Variants in CDC73 observed in about 807,000 individuals in gnomAD.
CDC73 encodes parafibromin.
A neutral mutation model predicts 83.7 loss-of-function variants in CDC73; 21 were observed. That is an observed-to-expected ratio of 0.25 (90% CI 0.18 to 0.36). The LOEUF (loss-of-function observed/expected upper bound fraction) is 0.36. CDC73 is among the 10% of genes least tolerant of loss of function. The pLI is 1.00. For synonymous variants in CDC73, 224 were observed against 212.9 expected, an observed-to-expected ratio of 1.05 and a Z score of -0.45; for missense variants, 342 against 653.3, an observed-to-expected ratio of 0.52 and a Z score of 5.19.
At chr1:193,221,038 G>A (rs1677460727) in intron 13 of CDC73, among the ~76,000 whole-genome samples, 1 of 152,104 alleles carries the variant, frequency 6.6e-6, no homozygotes, top group African/African-American at 2.4e-5. Context: ...TCTGTCTGTA[G>A]TCTTTCCAAC....
chr1:193,211,176 C>T (rs1677271910), intron 11 of CDC73, among the ~76,000 whole-genome samples: 1 of 152,182 alleles, frequency 6.6e-6, no homozygotes, highest in South Asian at 2.1e-4. Flanking sequence ...CAGCGGATAC[C>T]TGAAACCAGG....
chr1:193,250,848 C>G lies in CDC73; in HGVS notation c.*136C>G, dbSNP rs1412166616. 2 of 790,090 alleles carry G rather than the reference C, an allele frequency of 2.5e-6. No homozygotes were observed. The highest frequency in any genetic ancestry group is 1.7e-5 in the African/African-American group (1 of 58,006). The allele number at this position is 790,090 out of a possible 1,614,324, so 48.9% of individuals were successfully genotyped here. On this transcript the variant is annotated 3_prime_UTR_variant, in exon 17 of 17. Coordinates refer to ENST00000367435, the MANE Select transcript of CDC73 (RefSeq NM_024529.5). ...GCTTTGTGCTTCAAGGAGATGATAC[C>G]TGTCATCCATATAAGCAAACTTTTT...
intron 11 of CDC73, among the ~76,000 whole-genome samples, chr1:193,204,253 ATGTGTGTGTGTG>A (rs370382322): frequency 2.4e-4 from 30 of 123,800 alleles, no homozygotes; most frequent in African/African-American, 8.2e-4. Context: ...ATATATGTGT[ATGTGTGTGTGTG>A]TGTGTGTGTG....
At chr1:193,216,736 A>T (rs963200141) in intron 13 of CDC73, among the ~76,000 whole-genome samples, 11 of 152,156 alleles carry the variant, frequency 7.2e-5, no homozygotes, top group African/African-American at 2.4e-4. Flanking sequence ...ACATCAAAAA[A>T]CTAAAACACC....
rs1678097068 is a variant in CDC73 at position 193,254,337 on chromosome 1, A to G, written c.*3625A>G. 6.6e-6 allele frequency among the ~76,000 whole-genome samples: 1 copy of G among 152,064 alleles called. No individual in the cohort carries two copies. The highest frequency in any genetic ancestry group is 1.5e-5 in the Non-Finnish European group (1 of 67,936). On this transcript the variant is annotated 3_prime_UTR_variant, in exon 17 of 17. Transcript: ENST00000367435. ...GTTTCTTTAAAAAAGTACAACATGA[A>G]AATTTAATTACATTAGCCTTAATAT...
chr1:193,146,310 A>G (rs1675999772), intron 7 of CDC73, among the ~76,000 whole-genome samples: 1 of 152,194 alleles, frequency 6.6e-6, no homozygotes, highest in Non-Finnish European at 1.5e-5. Flanking sequence ...AAGAGAGAGT[A>G]GCATCTCAGA....
In CDC73 at chr1:193,148,487, T is replaced by C. The variant is rs1005248551; in HGVS notation, c.828+522T>C. ...CAAAGTAAATTTCACGTATGACATA[T>C]AGCCTATATTTAAATTCAAACATCC... On this transcript the variant is annotated intron_variant, in intron 8 of 16. Transcript: ENST00000367435. Among the ~76,000 whole-genome samples, 120 of 152,128 alleles carry C rather than the reference T, an allele frequency of 7.9e-4. 1 individual carries two copies. The highest frequency in any genetic ancestry group is 2.8e-3 in the African/African-American group (117 of 41,426).
At chr1:193,186,458 T>C (rs1049944995) in intron 10 of CDC73, 2 of 152,570 alleles carry the variant, frequency 1.3e-5, no homozygotes, top group Non-Finnish European at 2.9e-5. Flanking sequence ...ATGTAGTGCT[T>C]CAGTTGTATT....
At chr1:193,198,603 A>G (rs923274958) in intron 10 of CDC73, among the ~76,000 whole-genome samples, 3 of 152,232 alleles carry the variant, frequency 2.0e-5, no homozygotes, top group South Asian at 2.1e-4. Flanking sequence ...GTATTTTGGT[A>G]TAGTAGCACA....
intron 13 of CDC73, among the ~76,000 whole-genome samples, chr1:193,224,851 T>C (rs922203480): frequency 3.9e-5 from 6 of 152,118 alleles, no homozygotes; most frequent in Admixed American, 1.3e-4. Flanking sequence ...TTTTAAAGAT[T>C]TATTATGTTG....
chr1:193,222,341 A>C (rs1400244768), intron 13 of CDC73, among the ~76,000 whole-genome samples: 1 of 152,210 alleles, frequency 6.6e-6, no homozygotes, highest in Non-Finnish European at 1.5e-5. Context: ...AGAAAACTAC[A>C]TGAGGCCTGG....
intron 10 of CDC73, among the ~76,000 whole-genome samples, chr1:193,201,366 A>C (rs561964782): frequency 2.0e-5 from 3 of 152,106 alleles, no homozygotes; most frequent in Non-Finnish European, 4.4e-5. Flanking sequence ...AAAGTGTATT[A>C]TATTCTACCT....
At chr1:193,140,023 A>T (rs1273375484) in intron 6 of CDC73, among the ~76,000 whole-genome samples, 1 of 152,202 alleles carries the variant, frequency 6.6e-6, no homozygotes, top group Non-Finnish European at 1.5e-5. Flanking sequence ...TGCAGTTCTC[A>T]GGTCTTCTGA....
At chr1:193,128,450 C>T (rs890961208) in intron 2 of CDC73, among the ~76,000 whole-genome samples, 3 of 151,832 alleles carry the variant, frequency 2.0e-5, no homozygotes, top group Admixed American at 1.3e-4. Flanking sequence ...GGACTGCAGG[C>T]GCTTGCCACC....
intron 15 of CDC73, among the ~76,000 whole-genome samples, chr1:193,245,763 A>T (rs1677944230): frequency 6.6e-6 from 1 of 152,078 alleles, no homozygotes; most frequent in Admixed American, 6.5e-5. Flanking sequence ...AATGTATAAG[A>T]GTTGCCCTTT....
chr1:193,245,296 A>G (rs185577221), intron 15 of CDC73, among the ~76,000 whole-genome samples: 66 of 152,178 alleles, frequency 4.3e-4, no homozygotes, highest in African/African-American at 1.3e-3. Flanking sequence ...TTCCCAGCCA[A>G]TAGTATTTTC....
chr1:193,138,193 A>G lies in CDC73; in HGVS notation c.512+20A>G. 1 of 1,459,884 alleles carries G rather than the reference A, an allele frequency of 6.8e-7. No homozygotes were observed. The highest frequency in any genetic ancestry group is 1.1e-5 in the South Asian group (1 of 87,912). 90.4% of individuals were successfully genotyped at this position (1,459,884 alleles called of 1,614,324 possible). On this transcript the variant is annotated intron_variant, in intron 6 of 16. Transcript: ENST00000367435. Reference sequence around the variant, plus strand: ...GATTAGGTAAGAATTCTTTTTAAGTAGAAAGTAGGTAGTTTAGATATATGT... The same window carrying G: ...GATTAGGTAAGAATTCTTTTTAAGTGGAAAGTAGGTAGTTTAGATATATGT...
intron 11 of CDC73, among the ~76,000 whole-genome samples, chr1:193,210,912 C>G (rs368131362): frequency 6.6e-6 from 1 of 152,096 alleles, no homozygotes; most frequent in African/African-American, 2.4e-5. Context: ...AATCTTTTAG[C>G]CTTAGATCTC....
At chr1:193,136,583 G>T (rs745671312) in intron 5 of CDC73, 7 of 212,936 alleles carry the variant, frequency 3.3e-5, no homozygotes, top group Non-Finnish European at 5.6e-5. Context: ...TGAGCGAATA[G>T]GCTCAGACAG....
Sources: gnomAD v4.1 joint callset for allele counts (sites outside exome capture counted in the v4.1 genomes callset) on GRCh38, gnomAD v4.1.1 for gene constraint, MANE v1.5 for transcripts, NCBI Gene and HGNC (gene_info 2026-07-23, HGNC 2026-07-21) for gene names.